BMPR1B: variants seen among roughly 807,000 people sequenced by gnomAD.
BMPR1B encodes the protein bone morphogenetic protein receptor type-1B.
BMPR1B carries 12 observed loss-of-function variants against 59.1 expected under a neutral mutation model. That is an observed-to-expected ratio of 0.20 (90% CI 0.13 to 0.33). The LOEUF (loss-of-function observed/expected upper bound fraction) is 0.33, where lower values mean the gene tolerates loss of function less well. Ranked by LOEUF, BMPR1B falls within the 10% of genes least tolerant of loss-of-function variation. BMPR1B has a pLI of 1.00. For missense variants in BMPR1B, 550 were observed against 610.9 expected (o/e 0.90, Z 1.05); for synonymous variants, 237 against 207.3 (o/e 1.14, Z -1.23).
At chr4:94,889,618 C>T (rs1304216530) in intron 2 of BMPR1B, among the ~76,000 whole-genome samples, 1 of 151,988 alleles carries the variant, frequency 6.6e-6, no homozygotes, top group African/African-American at 2.4e-5. Context: ...TTCATTGCTC[C>T]TGCTGTCCTG....
rs143078922 is a variant in BMPR1B at position 95,060,199 on chromosome 4, A to C, written c.-17-44209A>C. On this transcript the variant is annotated intron_variant, in intron 3 of 12. Transcript: ENST00000515059. ...CCAAATATTTGGGAGTTGAGCTGAG[A>C]AGGCTTAAATTTAATAAGCTATCCC... Among the ~76,000 whole-genome samples, 297 of 152,300 alleles carry C rather than the reference A, an allele frequency of 2.0e-3. 1 individual carries two copies. Among genetic ancestry groups the C allele is most frequent in the African/African-American group, 6.8e-3 (281 of 41,572 alleles).
intron 9 of BMPR1B, among the ~76,000 whole-genome samples, chr4:95,130,274 T>C (rs966513260): frequency 3.3e-5 from 5 of 152,194 alleles, no homozygotes; most frequent in East Asian, 1.9e-4. Context: ...GGAAATGGAA[T>C]ACTCTCAAAT....
intron 2 of BMPR1B, among the ~76,000 whole-genome samples, chr4:94,979,153 G>T (rs1383139915): frequency 6.6e-6 from 1 of 151,974 alleles, no homozygotes; most frequent in Non-Finnish European, 1.5e-5. Context: ...TTCATGACAC[G>T]TGGGGATTAT....
At chr4:95,045,207 G>T (rs1725951058) in intron 3 of BMPR1B, among the ~76,000 whole-genome samples, 1 of 152,084 alleles carries the variant, frequency 6.6e-6, no homozygotes. Flanking sequence ...TTCTCATTAA[G>T]AATAACAAAT....
intron 3 of BMPR1B, among the ~76,000 whole-genome samples, chr4:95,010,406 T>C (rs1177344279): frequency 6.6e-6 from 1 of 152,176 alleles, no homozygotes; most frequent in Non-Finnish European, 1.5e-5. Flanking sequence ...TCCTCAGTTA[T>C]CCACTATTTT....
chr4:94,758,793 C>T (rs1453588609), intron 1 of BMPR1B, among the ~76,000 whole-genome samples: 1 of 152,006 alleles, frequency 6.6e-6, no homozygotes, highest in Non-Finnish European at 1.5e-5. Context: ...CTATCCTTTG[C>T]CTCTCCCCCC....
chr4:94,806,637 G>T (rs1185654611), intron 1 of BMPR1B, among the ~76,000 whole-genome samples: 2 of 152,128 alleles, frequency 1.3e-5, no homozygotes, highest in Non-Finnish European at 2.9e-5. Flanking sequence ...AGGTCAAAAT[G>T]TAAATAACTG....
chr4:95,029,871 G>A (rs1317612046), intron 3 of BMPR1B, among the ~76,000 whole-genome samples: 2 of 152,310 alleles, frequency 1.3e-5, no homozygotes, highest in East Asian at 3.9e-4. Context: ...GCCTAGTGAT[G>A]ATGAGCATTT....
At chr4:94,991,580 A>G (rs6831094) in intron 2 of BMPR1B, among the ~76,000 whole-genome samples, 63,094 of 152,048 alleles carry the variant, frequency 0.41, 13,891 homozygotes, top group East Asian at 0.71. Flanking sequence ...CTGCAAGAAC[A>G]TATAGCAAAT....
At chr4:95,007,148 A>G (rs986209539) in intron 3 of BMPR1B, among the ~76,000 whole-genome samples, 1 of 152,176 alleles carries the variant, frequency 6.6e-6, no homozygotes, top group African/African-American at 2.4e-5. Context: ...CAGCAACAAT[A>G]CTTATGAAAA....
At chr4:95,131,553 T>G (rs1733361848) in intron 10 of BMPR1B, 41 bp downstream of exon 10, 2 of 1,602,394 alleles carry the variant, frequency 1.2e-6, no homozygotes, top group Non-Finnish European at 1.7e-6. Flanking sequence ...TATGACTCTT[T>G]TCTGTTACTT....
chr4:95,087,310 T>G (rs536367946), intron 3 of BMPR1B, among the ~76,000 whole-genome samples: 2 of 152,298 alleles, frequency 1.3e-5, no homozygotes, highest in African/African-American at 4.8e-5. Flanking sequence ...CCATGATAAA[T>G]TATATTTAAT....
At chr4:94,813,686 T>C (rs769578800) in intron 1 of BMPR1B, among the ~76,000 whole-genome samples, 4 of 152,104 alleles carry the variant, frequency 2.6e-5, no homozygotes, top group Admixed American at 6.6e-5. Context: ...TTGAGAGTAG[T>C]CTGCAGTGGT....
intron 3 of BMPR1B, among the ~76,000 whole-genome samples, chr4:95,074,607 C>A (rs1260432175): frequency 6.6e-6 from 1 of 152,012 alleles, no homozygotes; most frequent in Non-Finnish European, 1.5e-5. Flanking sequence ...TGCAGCTGTT[C>A]TCTTGGTTCT....
rs1247011289 is a variant in BMPR1B, at chr4:94,787,389, G to T, written c.-183+29321G>T. 5.3e-5 allele frequency among the ~76,000 whole-genome samples: 8 copies of T among 152,176 alleles called. No homozygotes were observed. The East Asian group carries it at 1.5e-3, about 29-fold the overall frequency. ...AAGGAATTTAAGAAATGGCATCTCCGGTTCTCCCCTGAAGCAGGTTATAAG... is the reference window on the plus strand; with the variant it reads ...AAGGAATTTAAGAAATGGCATCTCCTGTTCTCCCCTGAAGCAGGTTATAAG... On this transcript the variant is annotated intron_variant, in intron 1 of 12. Transcript: ENST00000515059.
At chr4:94,948,819 C>G (rs1729817071) in intron 2 of BMPR1B, among the ~76,000 whole-genome samples, 1 of 152,108 alleles carries the variant, frequency 6.6e-6, no homozygotes, top group Non-Finnish European at 1.5e-5. Context: ...CTCTGCCTGG[C>G]TTTGCGTATA....
At position 95,026,097 on chromosome 4, in the gene BMPR1B, C is replaced by CCTTTCTTTCTTT. The variant is rs1560602784; in HGVS notation, c.-18+29963_-18+29964insCTTTCTTTCTTT. ...CTTGGCTGGCTGGATTGCTTTCTTT[C>CCTTTCTTTCTTT]ATTTCTTTCTTTCTTTCTTTCTTTC... On this transcript the variant is annotated intron_variant, in intron 3 of 12. Transcript: ENST00000515059. Among the ~76,000 whole-genome samples the CCTTTCTTTCTTT allele has an allele frequency of 3.9e-3, 93 of 23,916 alleles. No individual in the cohort carries two copies. The East Asian group carries it at 0.064, about 17-fold the overall frequency. The allele number at this position is 23,916 out of a possible 152,430, so 15.7% of individuals were successfully genotyped here.
intron 1 of BMPR1B, among the ~76,000 whole-genome samples, chr4:94,767,821 A>G (rs1243128747): frequency 2.6e-5 from 4 of 152,068 alleles, no homozygotes; most frequent in African/African-American, 9.7e-5. Context: ...CAAATTATGT[A>G]TTTCCTGCTC....
At chr4:94,789,063 G>A (rs574053066) in intron 1 of BMPR1B, among the ~76,000 whole-genome samples, 1 of 152,314 alleles carries the variant, frequency 6.6e-6, no homozygotes, top group African/African-American at 2.4e-5. Flanking sequence ...GGATGGATTG[G>A]CTGTGTCTTA....
Sources: allele counts gnomAD v4.1 joint callset (sites outside exome capture counted in the v4.1 genomes callset), GRCh38; gene constraint gnomAD v4.1.1; transcripts MANE v1.5; gene names NCBI Gene and HGNC (gene_info 2026-07-23, HGNC 2026-07-21).